The following CNTNAP2 variants were observed in gnomAD, a reference collection of about 807,000 sequenced individuals.
The protein encoded by CNTNAP2 is contactin associated protein 2.
A neutral mutation model predicts 155.2 loss-of-function variants in CNTNAP2; 98 were observed. The observed-to-expected ratio is 0.63, with a 90% CI of 0.54 to 0.75. The LOEUF is 0.75. CNTNAP2 is among the 30% of genes least tolerant of loss of function. The pLI is 0.00. For missense variants in CNTNAP2, 1,727 were observed against 1,688.1 expected, an observed-to-expected ratio of 1.02 and a Z score of -0.40; for synonymous variants, 651 against 631.2, an observed-to-expected ratio of 1.03 and a Z score of -0.47.
At position 146,331,099 on chromosome 7, in the gene CNTNAP2, T is replaced by C. The variant is rs577273861; in HGVS notation, c.97+214126T>C. ...TCGGGCGGATCACGAGGTCAGGAGATCGAGACCATCCTGGCTAACACGGTG... is the reference window on the plus strand; with the variant it reads ...TCGGGCGGATCACGAGGTCAGGAGACCGAGACCATCCTGGCTAACACGGTG... On this transcript the variant is annotated intron_variant, in intron 1 of 23. Transcript: ENST00000361727. 2.9e-3 allele frequency among the ~76,000 whole-genome samples: 435 copies of C among 151,924 alleles called. 2 individuals carry two copies. The Middle Eastern group carries it at 0.034, about 12-fold the overall frequency.
At chr7:147,405,284 C>A (rs1486876929) in intron 10 of CNTNAP2, among the ~76,000 whole-genome samples, 1 of 152,126 alleles carries the variant, frequency 6.6e-6, no homozygotes, top group Non-Finnish European at 1.5e-5. Context: ...AAAATAAGAG[C>A]AATTGATTTT....
intron 20 of CNTNAP2, among the ~76,000 whole-genome samples, chr7:148,260,892 T>A (rs1796547330): frequency 6.6e-6 from 1 of 152,144 alleles, no homozygotes; most frequent in African/African-American, 2.4e-5. Context: ...CAGGCCTAAG[T>A]GCTTATGCAA....
At chr7:147,322,126 A>G (rs971528719) in intron 9 of CNTNAP2, among the ~76,000 whole-genome samples, 3 of 152,192 alleles carry the variant, frequency 2.0e-5, no homozygotes, top group African/African-American at 7.2e-5. Context: ...ATAGGAGGAA[A>G]AAAGCATCAA....
intron 15 of CNTNAP2, among the ~76,000 whole-genome samples, chr7:148,018,610 T>G (rs4725759): frequency 0.38 from 57,152 of 151,910 alleles, 11,396 homozygotes; most frequent in African/African-American, 0.52. Context: ...CAGGGTATGT[T>G]GGGAGATGAA....
chr7:147,945,847 CTTTTCTTTTTTTTTCT>C (rs1448368770), intron 14 of CNTNAP2, among the ~76,000 whole-genome samples: 1 of 148,174 alleles, frequency 6.7e-6, no homozygotes, highest in Non-Finnish European at 1.5e-5. Flanking sequence ...CTTCTCTTTT[CTTTTCTTTTTTTTTCT>C]TTTTCTTTTT....
Position 146,638,476 on chromosome 7 carries a change from C to CTTTTTTTTTTTTTTTTTTTT in CNTNAP2, c.98-135792_98-135773dup, listed in dbSNP as rs879600389. On this transcript the variant is annotated intron_variant, in intron 1 of 23. Transcript: ENST00000361727. Reference sequence around the variant, plus strand: ...AACAGTTTAATACAGTCAGGTGTTTCTTTTTTTTTTTTTTTTTTTTTTCTT... The same window carrying CTTTTTTTTTTTTTTTTTTTT: ...AACAGTTTAATACAGTCAGGTGTTTCTTTTTTTTTTTTTTTTTTTTTTTTTTTTTTTTTTTTTTTTTTCTT... 7.5e-4 allele frequency among the ~76,000 whole-genome samples: 48 copies of CTTTTTTTTTTTTTTTTTTTT among 64,350 alleles called. 2 individuals carry two copies. Among genetic ancestry groups the CTTTTTTTTTTTTTTTTTTTT allele is most frequent in the East Asian group, 4.2e-3 (8 of 1,886 alleles). 42.2% of individuals were successfully genotyped at this position (64,350 alleles called of 152,430 possible).
chr7:147,368,744 C>G (rs780823493), intron 9 of CNTNAP2, among the ~76,000 whole-genome samples: 1 of 152,144 alleles, frequency 6.6e-6, no homozygotes, highest in Admixed American at 6.5e-5. Context: ...TTGCTTTTGC[C>G]AATCACATCT....
intron 1 of CNTNAP2, among the ~76,000 whole-genome samples, chr7:146,430,950 G>C (rs1796165037): frequency 6.6e-6 from 1 of 152,108 alleles, no homozygotes; most frequent in Non-Finnish European, 1.5e-5. Context: ...CAGATGTTCT[G>C]TTAGGCTGTT....
intron 2 of CNTNAP2, among the ~76,000 whole-genome samples, chr7:146,816,421 C>T (rs1359140624): frequency 6.6e-6 from 1 of 152,174 alleles, no homozygotes; most frequent in African/African-American, 2.4e-5. Context: ...AGAAGGAACT[C>T]AGCCTGAAAG....
At chr7:147,537,039 T>C (rs139031228) in intron 11 of CNTNAP2, among the ~76,000 whole-genome samples, 15 of 152,290 alleles carry the variant, frequency 9.8e-5, no homozygotes, top group African/African-American at 3.6e-4. Flanking sequence ...GCCTGCTCTA[T>C]TCCATTCAAC....
intron 13 of CNTNAP2, among the ~76,000 whole-genome samples, chr7:147,775,449 AATT>A (rs889023789): frequency 1.5e-5 from 2 of 136,676 alleles, no homozygotes; most frequent in African/African-American, 2.7e-5. Context: ...TCTGAACCAT[AATT>A]CTCTAAAAGT....
intron 18 of CNTNAP2, among the ~76,000 whole-genome samples, chr7:148,216,865 A>T (rs535875555): frequency 5.3e-5 from 8 of 152,304 alleles, no homozygotes; most frequent in African/African-American, 1.9e-4. Flanking sequence ...GATAATGAAT[A>T]AGTCTCACAA....
chr7:147,497,847 A>C (rs887463995), intron 11 of CNTNAP2, among the ~76,000 whole-genome samples: 2 of 152,224 alleles, frequency 1.3e-5, no homozygotes, highest in Admixed American at 1.3e-4. Flanking sequence ...CTAGGTGGAC[A>C]GCACAAACTT....
In CNTNAP2 at chr7:148,418,620, T is replaced by C. The variant is rs953171948; in HGVS notation, c.*3004T>C. 1 of 152,240 alleles carries C rather than the reference T, an allele frequency of 6.6e-6. No homozygotes were observed. The highest frequency in any genetic ancestry group is 1.5e-5 in the Non-Finnish European group (1 of 68,042). The allele number at this position is 152,240 out of a possible 1,614,324, so 9.4% of individuals were successfully genotyped here. ...TAAGCTCTCAAAATAGCATATTCCCTAGAGCTCAAGAAAGCTGGTCCAGGA... is the reference window on the plus strand; with the variant it reads ...TAAGCTCTCAAAATAGCATATTCCCCAGAGCTCAAGAAAGCTGGTCCAGGA... On this transcript the variant is annotated 3_prime_UTR_variant, in exon 24 of 24. Coordinates refer to ENST00000361727, the MANE Select transcript of CNTNAP2 (RefSeq NM_014141.6).
intron 2 of CNTNAP2, among the ~76,000 whole-genome samples, chr7:146,834,573 G>A (rs1305586592): frequency 6.6e-6 from 1 of 152,130 alleles, no homozygotes; most frequent in Non-Finnish European, 1.5e-5. Flanking sequence ...TGAAGAAACA[G>A]CATTCTTATT....
intron 1 of CNTNAP2, among the ~76,000 whole-genome samples, chr7:146,726,171 G>T (rs193188153): frequency 1.3e-5 from 2 of 152,046 alleles, no homozygotes. Context: ...TGTATCATTG[G>T]TATAGAGAAA....
chr7:147,356,962 T>C (rs1316586830), intron 9 of CNTNAP2, among the ~76,000 whole-genome samples: 3 of 152,116 alleles, frequency 2.0e-5, no homozygotes, highest in Non-Finnish European at 2.9e-5. Context: ...AGTCATCTTC[T>C]GTATTGGGAA....
At chr7:147,590,446 C>T (rs184998107) in intron 12 of CNTNAP2, among the ~76,000 whole-genome samples, 16 of 152,242 alleles carry the variant, frequency 1.1e-4, no homozygotes, top group Non-Finnish European at 5.9e-5. Flanking sequence ...CTTCCCCCTT[C>T]GCTTAGCACT....
intron 1 of CNTNAP2, among the ~76,000 whole-genome samples, chr7:146,612,717 A>G (rs1040174581): frequency 6.6e-6 from 1 of 152,164 alleles, no homozygotes; most frequent in Non-Finnish European, 1.5e-5. Flanking sequence ...TTAAAAAATC[A>G]TATGTCATTC....
Sources: allele counts gnomAD v4.1 joint callset (sites outside exome capture counted in the v4.1 genomes callset), GRCh38; gene constraint gnomAD v4.1.1; transcripts MANE v1.5; gene names NCBI Gene and HGNC (gene_info 2026-07-23, HGNC 2026-07-21).